SPAG16: variants seen among roughly 807,000 people sequenced by gnomAD.
SPAG16 encodes sperm-associated antigen 16 protein.
In SPAG16, 86 loss-of-function variants were observed where a neutral mutation model predicts 80.4. That is an observed-to-expected ratio of 1.07 (90% CI 0.90 to 1.28). The LOEUF (loss-of-function observed/expected upper bound fraction) is 1.28, where lower values mean the gene tolerates loss of function less well. Among genes scored for constraint, SPAG16 ranks in the 50% most tolerant of loss-of-function variants. The pLI, the probability that SPAG16 is intolerant of heterozygous loss-of-function variation, is 0.00. For missense variants in SPAG16, 870 were observed against 765.3 expected, an observed-to-expected ratio of 1.14 and a Z score of -1.61; for synonymous variants, 294 against 265.9, an observed-to-expected ratio of 1.11 and a Z score of -1.03.
chr2:214,116,336 C>T (rs1046222758), intron 14 of SPAG16, among the ~76,000 whole-genome samples: 3 of 152,186 alleles, frequency 2.0e-5, no homozygotes, highest in African/African-American at 7.2e-5. Flanking sequence ...GAGACTTGCC[C>T]ATATTCTCTC....
chr2:213,505,262 C>G (rs1248848461), intron 10 of SPAG16, among the ~76,000 whole-genome samples: 1 of 152,090 alleles, frequency 6.6e-6, no homozygotes, highest in Non-Finnish European at 1.5e-5. Flanking sequence ...AATGTCAAAA[C>G]TACTAGCTGC....
intron 12 of SPAG16, among the ~76,000 whole-genome samples, chr2:214,012,745 G>A (rs938573905): frequency 6.6e-6 from 1 of 152,182 alleles, no homozygotes; most frequent in Non-Finnish European, 1.5e-5. Context: ...CACATGAGGA[G>A]TGGTATTGCT....
chr2:214,242,643 T>A (rs763419307), intron 15 of SPAG16, among the ~76,000 whole-genome samples: 23 of 152,242 alleles, frequency 1.5e-4, no homozygotes, highest in Non-Finnish European at 3.1e-4. Context: ...TCCCTAATCA[T>A]TGGTTATAAA....
chr2:214,112,873 G>A (rs914559799), intron 14 of SPAG16, among the ~76,000 whole-genome samples: 1 of 152,050 alleles, frequency 6.6e-6, no homozygotes, highest in African/African-American at 2.4e-5. Context: ...TATGATGTTA[G>A]CTGGTTATTT....
At chr2:213,701,575 C>G (rs1278019004) in intron 10 of SPAG16, among the ~76,000 whole-genome samples, 1 of 152,122 alleles carries the variant, frequency 6.6e-6, no homozygotes, top group African/African-American at 2.4e-5. Context: ...TCTGTGGCGC[C>G]TGGTCCCATC....
At chr2:213,837,774 G>A (rs2074164146) in intron 10 of SPAG16, among the ~76,000 whole-genome samples, 1 of 152,170 alleles carries the variant, frequency 6.6e-6, no homozygotes, top group Non-Finnish European at 1.5e-5. Flanking sequence ...TGGATTATCT[G>A]AGTAAACCCA....
intron 12 of SPAG16, among the ~76,000 whole-genome samples, chr2:213,946,228 C>T (rs1459738751): frequency 6.6e-6 from 1 of 152,162 alleles, no homozygotes; most frequent in Non-Finnish European, 1.5e-5. Flanking sequence ...AATTCTCCTG[C>T]ATCAGCCTCC....
intron 9 of SPAG16, among the ~76,000 whole-genome samples, chr2:213,464,937 T>A (rs546778821): frequency 3.9e-5 from 6 of 152,058 alleles, no homozygotes; most frequent in Non-Finnish European, 7.4e-5. Context: ...GAGTACTGAG[T>A]TTTTGTTTCT....
intron 14 of SPAG16, among the ~76,000 whole-genome samples, chr2:214,141,858 A>G (rs904442442): frequency 6.6e-6 from 1 of 152,096 alleles, no homozygotes; most frequent in African/African-American, 2.4e-5. Context: ...GTTTAGGTGC[A>G]GTTTTATTTT....
intron 10 of SPAG16, among the ~76,000 whole-genome samples, chr2:213,858,973 G>C (rs1380459309): frequency 2.0e-5 from 3 of 151,722 alleles, no homozygotes; most frequent in African/African-American, 7.3e-5. Context: ...GAGGTCAAAA[G>C]TTTGAGACCA....
intron 10 of SPAG16, among the ~76,000 whole-genome samples, chr2:213,776,826 A>ACCCCCCCCCCC (rs140864608): frequency 3.7e-5 from 4 of 107,554 alleles, no homozygotes; most frequent in Admixed American, 1.0e-4. Flanking sequence ...GTTCTATGCC[A>ACCCCCCCCCCC]CCCCCCCCCC....
chr2:213,490,004 G>A lies in SPAG16; in HGVS notation c.984G>A (p.Leu328=). The part of the protein sequence containing the change: ...FPIDMQPNPN[L]NVSKESLSPA... ...TAGATATGCAACCAAATCCAAACCT[G>A]AATGTTTCTAAAGAAAGTCTTTCTC... Residue 328 remains leucine, a synonymous_variant, in exon 10 of 16, where the codon CTG becomes CTA. Transcript: ENST00000331683. The A allele has an allele frequency of 6.2e-7, 1 of 1,609,870 alleles. No individual in the cohort carries two copies. Among genetic ancestry groups the A allele is most frequent in the South Asian group, 1.1e-5 (1 of 90,220 alleles).
rs79037628 is a variant in SPAG16, at chr2:214,356,369, C to T, written c.1721-53771C>T. 1.7e-3 allele frequency among the ~76,000 whole-genome samples: 254 copies of T among 151,842 alleles called. 2 individuals carry two copies. Among genetic ancestry groups the T allele is most frequent in the African/African-American group, 5.7e-3 (237 of 41,454 alleles). On this transcript the variant is annotated intron_variant, in intron 15 of 15. Transcript: ENST00000331683. Reference sequence around the variant, plus strand: ...ACATAGGATTGCATGCAAGTGATCCCAATTGACACAATATGGAAGACAGTG... The same window carrying T: ...ACATAGGATTGCATGCAAGTGATCCTAATTGACACAATATGGAAGACAGTG...
At chr2:213,942,866 G>A (rs2106293728) in intron 12 of SPAG16, among the ~76,000 whole-genome samples, 1 of 152,254 alleles carries the variant, frequency 6.6e-6, no homozygotes, top group South Asian at 2.1e-4. Context: ...ATATGTTAAA[G>A]CCTAAATCTC....
chr2:214,187,674 ATGTCTGC>A (rs879897947), intron 15 of SPAG16, among the ~76,000 whole-genome samples: 45,151 of 151,408 alleles, frequency 0.3, 8,425 homozygotes, highest in Non-Finnish European at 0.41. Context: ...GTAAACAATA[ATGTCTGC>A]CATAACAAAC....
At chr2:213,500,154 C>A (rs1319135368) in intron 10 of SPAG16, among the ~76,000 whole-genome samples, 1 of 152,168 alleles carries the variant, frequency 6.6e-6, no homozygotes, top group Non-Finnish European at 1.5e-5. Flanking sequence ...ATACACCTGA[C>A]AAACCCACAG....
chr2:213,814,926 G>A (rs556382336), intron 10 of SPAG16, among the ~76,000 whole-genome samples: 21 of 151,434 alleles, frequency 1.4e-4, no homozygotes, highest in Admixed American at 1.4e-3. Context: ...AAAACCAATA[G>A]AACTGAAAGG....
chr2:213,651,003 A>G (rs1245862993), intron 10 of SPAG16, among the ~76,000 whole-genome samples: 1 of 152,162 alleles, frequency 6.6e-6, no homozygotes, highest in African/African-American at 2.4e-5. Context: ...ACCTGAGGTT[A>G]TAGGAGATAA....
intron 15 of SPAG16, among the ~76,000 whole-genome samples, chr2:214,270,689 A>C (rs1691923831): frequency 6.6e-6 from 1 of 152,084 alleles, no homozygotes; most frequent in Admixed American, 6.6e-5. Context: ...ATATGCCTGA[A>C]ATGCATATGC....
Sources: allele counts gnomAD v4.1 joint callset (sites outside exome capture counted in the v4.1 genomes callset), GRCh38; gene constraint gnomAD v4.1.1; transcripts MANE v1.5; gene names NCBI Gene and HGNC (gene_info 2026-07-23, HGNC 2026-07-21).